Variants in TRPC4 observed in about 807,000 individuals in gnomAD.
TRPC4 encodes the protein short transient receptor potential channel 4.
Under a neutral mutation model 99.4 loss-of-function variants are expected in TRPC4, and 49 were observed. That is an observed-to-expected ratio of 0.49 (90% CI 0.39 to 0.63). The LOEUF (loss-of-function observed/expected upper bound fraction) is 0.63. Among genes scored for constraint, TRPC4 ranks in the 20% least tolerant of loss-of-function variants. The pLI is 0.00. For missense variants in TRPC4, 898 were observed against 1,152.9 expected, an observed-to-expected ratio of 0.78 and a Z score of 3.20; for synonymous variants, 454 against 425.9, an observed-to-expected ratio of 1.07 and a Z score of -0.81.
chr13:37,851,773 C>T (rs1319010748), intron 1 of TRPC4, among the ~76,000 whole-genome samples: 1 of 152,138 alleles, frequency 6.6e-6, no homozygotes, highest in Admixed American at 6.6e-5. Context: ...CTGATACCAC[C>T]CCTCCCCTAT....
At chr13:37,812,366 G>A (rs757477365) in intron 1 of TRPC4, among the ~76,000 whole-genome samples, 9 of 151,616 alleles carry the variant, frequency 5.9e-5, no homozygotes, top group Non-Finnish European at 1.0e-4. Flanking sequence ...AAACCATTAT[G>A]AGGAGAAAAT....
chr13:37,863,274 C>T (rs1443214577), intron 1 of TRPC4, among the ~76,000 whole-genome samples: 2 of 151,516 alleles, frequency 1.3e-5, no homozygotes, highest in Non-Finnish European at 3.0e-5. Context: ...TCATTCATTG[C>T]AAATCTAACC....
rs141544575 is a variant in TRPC4 at position 37,773,339 on chromosome 13, T to A, written c.378+9617A>T. On this transcript the variant is annotated intron_variant, in intron 2 of 10. Coordinates refer to ENST00000379705, the MANE Select transcript of TRPC4 (RefSeq NM_016179.4). Reference sequence around the variant, plus strand: ...CTCTGAGCCGCAATTTTTTTATCCATAACAGTTCAATATACGTGGAAGGAA... The same window carrying A: ...CTCTGAGCCGCAATTTTTTTATCCAAAACAGTTCAATATACGTGGAAGGAA... 8.7e-3 allele frequency among the ~76,000 whole-genome samples: 1,328 copies of A among 151,952 alleles called. 23 individuals are homozygous for A. The highest frequency in any genetic ancestry group is 0.03 in the African/African-American group (1,265 of 41,494).
At chr13:37,704,457 C>T (rs186587589) in intron 3 of TRPC4, among the ~76,000 whole-genome samples, 1 of 152,146 alleles carries the variant, frequency 6.6e-6, no homozygotes, top group African/African-American at 2.4e-5. Flanking sequence ...GAAGCCAAGG[C>T]AGGCAGATCA....
intron 4 of TRPC4, among the ~76,000 whole-genome samples, chr13:37,682,430 G>A (rs918536738): frequency 6.6e-6 from 1 of 152,150 alleles, no homozygotes; most frequent in African/African-American, 2.4e-5. Context: ...TTTAAAGGAA[G>A]TCTTTTATTC....
At chr13:37,652,464 G>C (rs757608134) in intron 7 of TRPC4, among the ~76,000 whole-genome samples, 1 of 152,188 alleles carries the variant, frequency 6.6e-6, no homozygotes, top group Non-Finnish European at 1.5e-5. Flanking sequence ...ACTGTGCTTT[G>C]AACAAGAATC....
At position 37,674,340 on chromosome 13, in the gene TRPC4, A is replaced by G; in HGVS notation, c.1262T>C (p.Met421Thr). Residue 421 changes from methionine (M) to threonine (T), a missense_variant, in exon 5 of 11, where the codon ATG becomes ACG. This residue lies in a region of TRPC4 where 274 missense variants were observed against 454.9 expected (regional missense o/e 0.60). Coordinates refer to ENST00000379705, the MANE Select transcript of TRPC4 (RefSeq NM_016179.4). ...GTAGTCCTGAAGTCCGCCATCCCAC[A>G]TCTGTTTAATTTCTCCCCATATGAA... is the stretch of plus-strand genomic sequence containing the variant. ...LGFIWGEIKQMWDGGLQDYIH... is the reference protein window; with the variant it reads ...LGFIWGEIKQTWDGGLQDYIH... The G allele has an allele frequency of 6.2e-7, 1 of 1,604,674 alleles. No homozygotes were observed. The highest frequency in any genetic ancestry group is 8.5e-7 in the Non-Finnish European group (1 of 1,177,132).
rs371722217 is a variant in TRPC4 at position 37,736,441 on chromosome 13, A to T, written c.897+9496T>A. Among the ~76,000 whole-genome samples the T allele has an allele frequency of 7.5e-4, 114 of 152,152 alleles. 1 individual carries two copies. Among genetic ancestry groups the T allele is most frequent in the African/African-American group, 2.6e-3 (109 of 41,520 alleles). ...AATTCACATCGCTCAGTGTAGTCTC[A>T]CGTATGAAAATCCTTTCTATGAGTA... is the stretch of plus-strand genomic sequence containing the variant. On this transcript the variant is annotated intron_variant, in intron 3 of 10. Transcript: ENST00000379705.
intron 2 of TRPC4, among the ~76,000 whole-genome samples, chr13:37,773,522 C>T (rs1008668655): frequency 2.0e-5 from 3 of 151,794 alleles, no homozygotes; most frequent in Non-Finnish European, 4.4e-5. Flanking sequence ...AAGGCTGCTA[C>T]TAGGGTCAAC....
chr13:37,864,994 G>A (rs542175254), intron 1 of TRPC4, among the ~76,000 whole-genome samples: 9 of 151,822 alleles, frequency 5.9e-5, no homozygotes, highest in Non-Finnish European at 1.2e-4. Flanking sequence ...CTACTGAATG[G>A]ATAAGATTTT....
intron 8 of TRPC4, 135 bp downstream of exon 8, chr13:37,651,130 T>A: frequency 1.1e-6 from 1 of 932,284 alleles, no homozygotes; most frequent in Non-Finnish European, 1.6e-6. Context: ...TCATGGGAGA[T>A]GTGTTATAAA....
At chr13:37,686,615 A>G (rs1010566741) in intron 4 of TRPC4, among the ~76,000 whole-genome samples, 6 of 152,192 alleles carry the variant, frequency 3.9e-5, no homozygotes, top group African/African-American at 1.4e-4. Context: ...TAAAAATGTA[A>G]AATAAATTAT....
In TRPC4 at chr13:37,836,860, A is replaced by T. The variant is rs982593048; in HGVS notation, c.-28+32735T>A. Among the ~76,000 whole-genome samples the T allele has an allele frequency of 3.3e-5, 5 of 152,220 alleles. No homozygotes were observed. In the East Asian group the frequency reaches 9.6e-4, roughly 29 times the overall value. On this transcript the variant is annotated intron_variant, in intron 1 of 10. Coordinates refer to ENST00000379705, the MANE Select transcript of TRPC4 (RefSeq NM_016179.4). ...TCTCCAGCACATGTGAGAGGTCTTC[A>T]TGGCAGCCCCTCCCATCACAGGCCC... is the stretch of plus-strand genomic sequence containing the variant.
intron 4 of TRPC4, among the ~76,000 whole-genome samples, chr13:37,676,817 C>T (rs1953072359): frequency 6.6e-6 from 1 of 152,000 alleles, no homozygotes; most frequent in Non-Finnish European, 1.5e-5. Context: ...CAGATCTACA[C>T]TAAAAGACAT....
rs139883453 is a variant in TRPC4 at position 37,850,787 on chromosome 13, C to T, written c.-28+18808G>A. On this transcript the variant is annotated intron_variant, in intron 1 of 10. Coordinates refer to ENST00000379705, the MANE Select transcript of TRPC4 (RefSeq NM_016179.4). Reference sequence around the variant, plus strand: ...AGAAGAGTTGCAGAGCTAGCTAGGACTTGTGGAGCCAACATCCCAGATAGA... The same window carrying T: ...AGAAGAGTTGCAGAGCTAGCTAGGATTTGTGGAGCCAACATCCCAGATAGA... 5.2e-3 allele frequency among the ~76,000 whole-genome samples: 785 copies of T among 152,174 alleles called. 5 individuals are homozygous for T. The highest frequency in any genetic ancestry group is 0.018 in the African/African-American group (741 of 41,508).
chr13:37,851,841 G>A (rs886574814), intron 1 of TRPC4, among the ~76,000 whole-genome samples: 1 of 152,228 alleles, frequency 6.6e-6, no homozygotes, highest in Admixed American at 6.5e-5. Context: ...GGAGAGCACA[G>A]CAACAGGTGG....
intron 3 of TRPC4, among the ~76,000 whole-genome samples, chr13:37,740,081 G>A (rs1955535360): frequency 6.6e-6 from 1 of 152,150 alleles, no homozygotes; most frequent in Admixed American, 6.6e-5. Flanking sequence ...AGAGGAGAAA[G>A]TCATTGTTTC....
At chr13:37,707,093 A>C (rs973163624) in intron 3 of TRPC4, among the ~76,000 whole-genome samples, 9 of 152,196 alleles carry the variant, frequency 5.9e-5, no homozygotes, top group African/African-American at 2.2e-4. Flanking sequence ...AATGATGTCT[A>C]AACATTGGGA....
intron 3 of TRPC4, among the ~76,000 whole-genome samples, chr13:37,706,796 G>A (rs1170227853): frequency 1.3e-5 from 2 of 152,036 alleles, no homozygotes; most frequent in African/African-American, 4.8e-5. Flanking sequence ...ATCTTTACAA[G>A]GAGCAGAAAG....
Sources: allele counts gnomAD v4.1 joint callset (sites outside exome capture counted in the v4.1 genomes callset), GRCh38; gene constraint gnomAD v4.1.1; regional missense constraint gnomAD v4.1.1; transcripts MANE v1.5; gene names NCBI Gene and HGNC (gene_info 2026-07-23, HGNC 2026-07-21).